ZNF385D: variants seen among roughly 807,000 people sequenced by gnomAD.
ZNF385D encodes zinc finger protein 385D.
ZNF385D carries 15 observed loss-of-function variants against 35.8 expected under a neutral mutation model. The ratio of observed to expected loss-of-function variants is 0.42; its 90% confidence interval spans 0.28 to 0.64. The LOEUF is 0.64. Ranked by LOEUF, ZNF385D falls within the 30% of genes least tolerant of loss-of-function variation. The probability of loss-of-function intolerance (pLI) is 0.23; values close to 1 mark genes in which losing one functional copy is unlikely to be tolerated. For missense variants in ZNF385D, 474 were observed against 494.6 expected, an observed-to-expected ratio of 0.96 and a Z score of 0.39; for synonymous variants, 212 against 186.8, an observed-to-expected ratio of 1.13 and a Z score of -1.10.
At chr3:22,113,713 A>G (rs1702659415) in intron 3 of ZNF385D, among the ~76,000 whole-genome samples, 1 of 152,050 alleles carries the variant, frequency 6.6e-6, no homozygotes, top group Admixed American at 6.6e-5. Context: ...AAAAAGATAC[A>G]CAGATACAAA....
chr3:22,086,390 G>A (rs878867181), intron 3 of ZNF385D, among the ~76,000 whole-genome samples: 1 of 152,070 alleles, frequency 6.6e-6, no homozygotes, highest in East Asian at 1.9e-4. Context: ...AAAATCACAA[G>A]CATTCCTATA....
At chr3:22,146,124 T>G (rs567467961) in intron 3 of ZNF385D, among the ~76,000 whole-genome samples, 9 of 152,082 alleles carry the variant, frequency 5.9e-5, no homozygotes, top group African/African-American at 1.7e-4. Flanking sequence ...TCAGGAGTCA[T>G]GCAAACATTC....
intron 3 of ZNF385D, among the ~76,000 whole-genome samples, chr3:22,076,498 A>C (rs1199005148): frequency 1.3e-5 from 2 of 151,846 alleles, no homozygotes; most frequent in Non-Finnish European, 2.9e-5. Flanking sequence ...TAACCAAACC[A>C]CTTAAAGTTG....
chr3:21,934,782 C>T (rs1427905732), intron 3 of ZNF385D, among the ~76,000 whole-genome samples: 1 of 152,184 alleles, frequency 6.6e-6, no homozygotes, highest in Admixed American at 6.5e-5. Flanking sequence ...GGCAGCTTGA[C>T]TGTACTAACA....
chr3:21,716,105 T>C (rs931637173), intron 1 of ZNF385D, among the ~76,000 whole-genome samples: 2 of 152,154 alleles, frequency 1.3e-5, no homozygotes, highest in Admixed American at 1.3e-4. Context: ...CTGTCCACTC[T>C]ACTTCCCAAA....
chr3:22,147,934 G>A (rs571579763), intron 3 of ZNF385D, among the ~76,000 whole-genome samples: 1 of 152,298 alleles, frequency 6.6e-6, no homozygotes, highest in African/African-American at 2.4e-5. Context: ...CAGAAAAAAA[G>A]TCGATCTAAA....
At chr3:22,114,824 T>C (rs1166034320) in intron 3 of ZNF385D, among the ~76,000 whole-genome samples, 2 of 152,054 alleles carry the variant, frequency 1.3e-5, no homozygotes, top group African/African-American at 2.4e-5. Context: ...AGGAGGTGAC[T>C]AGATCATGAG....
chr3:22,213,822 A>C (rs553762436), intron 2 of ZNF385D, among the ~76,000 whole-genome samples: 36 of 152,220 alleles, frequency 2.4e-4, no homozygotes, highest in African/African-American at 8.7e-4. Context: ...ATAAGAGACT[A>C]ATTAAAATCC....
chr3:21,819,149 T>C (rs971151646), intron 3 of ZNF385D, among the ~76,000 whole-genome samples: 5 of 151,040 alleles, frequency 3.3e-5, no homozygotes, highest in Admixed American at 6.6e-5. Flanking sequence ...AAAATAGTCA[T>C]GAAATGGTGA....
At chr3:21,614,521 C>T (rs1468601804) in intron 2 of ZNF385D, among the ~76,000 whole-genome samples, 1 of 152,166 alleles carries the variant, frequency 6.6e-6, no homozygotes, top group Non-Finnish European at 1.5e-5. Context: ...TGGATATGAG[C>T]ATGGAGGAAC....
rs902167019 is a variant in ZNF385D at position 21,763,988 on chromosome 3, G to GA, written c.326-98961dup. ...CTCCTGGAGCTTACAGTTTCCCAAA[G>GA]AATGAGATACTGCAATGGAAGGTGG... is the stretch of plus-strand genomic sequence containing the variant. On this transcript the variant is annotated intron_variant, in intron 3 of 5. Coordinates refer to the ZNF385D transcript ENST00000494108. 3.3e-5 allele frequency among the ~76,000 whole-genome samples: 5 copies of GA among 152,264 alleles called. 1 individual carries two copies. Among genetic ancestry groups the GA allele is most frequent in the Admixed American group, 2.0e-4 (3 of 15,278 alleles).
At chr3:21,750,838 C>G (rs555448344) in intron 1 of ZNF385D, 57 bp downstream of exon 1, 8 of 1,609,530 alleles carry the variant, frequency 5.0e-6, no homozygotes, top group Non-Finnish European at 8.5e-7. Context: ...AAGGGCTTGT[C>G]TGCACGGATG....
Position 22,185,216 on chromosome 3 carries a change from A to G in ZNF385D, c.107-16181T>C, listed in dbSNP as rs75605155. 5.2e-3 allele frequency among the ~76,000 whole-genome samples: 789 copies of G among 152,332 alleles called. 8 individuals are homozygous for G. The highest frequency in any genetic ancestry group is 0.018 in the African/African-American group (744 of 41,582). On this transcript the variant is annotated intron_variant, in intron 2 of 5. Coordinates refer to the ZNF385D transcript ENST00000494108. ...TTTCAAGTAATAAATGTATAGATCAATAATAACGGGACAGAAACGAAATAC... is the reference window on the plus strand; with the variant it reads ...TTTCAAGTAATAAATGTATAGATCAGTAATAACGGGACAGAAACGAAATAC...
intron 3 of ZNF385D, among the ~76,000 whole-genome samples, chr3:21,877,569 G>C (rs78814206): frequency 1.3e-5 from 2 of 152,018 alleles, no homozygotes; most frequent in African/African-American, 2.4e-5. Context: ...GGAGAGCCTC[G>C]GAAATGGTTC....
intron 3 of ZNF385D, among the ~76,000 whole-genome samples, chr3:22,007,263 A>G (rs539048939): frequency 6.6e-6 from 1 of 152,232 alleles, no homozygotes; most frequent in African/African-American, 2.4e-5. Flanking sequence ...CTAAATCTTA[A>G]TTTTTTTAAA....
At chr3:22,108,474 G>C (rs1038507522) in intron 3 of ZNF385D, among the ~76,000 whole-genome samples, 2 of 151,934 alleles carry the variant, frequency 1.3e-5, no homozygotes, top group Non-Finnish European at 2.9e-5. Context: ...TAAAAGATTT[G>C]AATGAGTGCA....
At chr3:21,873,842 C>T (rs1222852515) in intron 3 of ZNF385D, among the ~76,000 whole-genome samples, 1 of 152,052 alleles carries the variant, frequency 6.6e-6, no homozygotes, top group African/African-American at 2.4e-5. Flanking sequence ...AATAATACTT[C>T]ATTGTATGTG....
intron 3 of ZNF385D, among the ~76,000 whole-genome samples, chr3:22,027,495 G>T (rs866657571): frequency 6.6e-6 from 1 of 152,144 alleles, no homozygotes; most frequent in South Asian, 2.1e-4. Context: ...CTAGGATTTT[G>T]GAGCAAGGTC....
At chr3:22,121,956 C>A (rs1048363685) in intron 3 of ZNF385D, among the ~76,000 whole-genome samples, 1 of 152,096 alleles carries the variant, frequency 6.6e-6, no homozygotes, top group East Asian at 1.9e-4. Flanking sequence ...GTCTGGAGAC[C>A]CAGCTACAGA....
Sources: allele counts gnomAD v4.1 joint callset (sites outside exome capture counted in the v4.1 genomes callset), GRCh38; gene constraint gnomAD v4.1.1; transcripts MANE v1.5; gene names NCBI Gene and HGNC (gene_info 2026-07-23, HGNC 2026-07-21).